The following IQSEC3 variants were observed in gnomAD, a reference collection of about 807,000 sequenced individuals.
IQSEC3 encodes IQ motif and Sec7 domain ArfGEF 3, also known as IQ motif and SEC7 domain-containing protein 3.
In IQSEC3, 50 loss-of-function variants were observed where a neutral mutation model predicts 105.4. The ratio of observed to expected loss-of-function variants is 0.47; its 90% confidence interval spans 0.38 to 0.60. The LOEUF is 0.60. IQSEC3 is among the 20% of genes least tolerant of loss of function. The probability of loss-of-function intolerance (pLI) is 0.00; values close to 1 mark genes in which losing one functional copy is unlikely to be tolerated. For missense variants in IQSEC3, 1,415 were observed against 1,630.0 expected (o/e 0.87, Z 2.27); for synonymous variants, 708 against 746.0 (o/e 0.95, Z 0.83).
intron 2 of IQSEC3, among the ~76,000 whole-genome samples, chr12:120,982 C>A (rs781819667): frequency 1.8e-4 from 27 of 152,208 alleles, no homozygotes; most frequent in Non-Finnish European, 3.4e-4. Context: ...CGTTTTCTCC[C>A]GGCTAGCGCA....
At chr12:146,005 C>T (rs1866251658) in intron 5 of IQSEC3, among the ~76,000 whole-genome samples, 1 of 152,182 alleles carries the variant, frequency 6.6e-6, no homozygotes, top group African/African-American at 2.4e-5. Flanking sequence ...TGCGTCTGCT[C>T]CATCCTTTGT....
At chr12:69,355 G>A (rs560028692) in intron 1 of IQSEC3, among the ~76,000 whole-genome samples, 2 of 152,388 alleles carry the variant, frequency 1.3e-5, no homozygotes, top group South Asian at 4.1e-4. Context: ...GGAATCCTGG[G>A]ATTTAGGAAT....
chr12:105,233 A>G (rs1445493049), intron 2 of IQSEC3, among the ~76,000 whole-genome samples: 1 of 152,196 alleles, frequency 6.6e-6, no homozygotes, highest in Non-Finnish European at 1.5e-5. Context: ...TTCATGGTTC[A>G]CTGGTTGGTT....
At chr12:115,584 G>A (rs558546906) in intron 2 of IQSEC3, among the ~76,000 whole-genome samples, 37 of 152,300 alleles carry the variant, frequency 2.4e-4, no homozygotes, top group African/African-American at 8.9e-4. Flanking sequence ...GGGGAGAATA[G>A]CCACAGTTAC....
chr12:161,620 A>G (rs1191318782), intron 7 of IQSEC3, among the ~76,000 whole-genome samples: 3 of 152,170 alleles, frequency 2.0e-5, no homozygotes, highest in African/African-American at 7.2e-5. Context: ...GGTTAGCAGG[A>G]ACATGGAGGC....
intron 3 of IQSEC3, among the ~76,000 whole-genome samples, chr12:133,268 C>A (rs1214701502): frequency 6.6e-6 from 1 of 152,228 alleles, no homozygotes; most frequent in African/African-American, 2.4e-5. Flanking sequence ...GGATGATGTC[C>A]AGAGTGTACG....
At chr12:165,704 T>C in intron 10 of IQSEC3, 25 bp from the exon 11 acceptor site, 1 of 1,611,440 alleles carries the variant, frequency 6.2e-7, no homozygotes, top group Non-Finnish European at 8.5e-7. Flanking sequence ...CACAGCCCAC[T>C]GGGGGCCTGG....
chr12:161,811 C>A, intron 7 of IQSEC3, 115 bp from the exon 8 acceptor site: 1 of 1,087,428 alleles, frequency 9.2e-7, no homozygotes, highest in Non-Finnish European at 1.3e-6. Context: ...TGGCAAGAAC[C>A]AAGGCCACCC....
chr12:137,152 A>G (rs1410846510), intron 3 of IQSEC3, among the ~76,000 whole-genome samples: 1 of 151,766 alleles, frequency 6.6e-6, no homozygotes, highest in Non-Finnish European at 1.5e-5. Flanking sequence ...TTCTTGAGAC[A>G]CCCACTCAAC....
intron 1 of IQSEC3, among the ~76,000 whole-genome samples, chr12:73,473 A>C (rs1555068103): frequency 6.6e-6 from 1 of 152,246 alleles, no homozygotes; most frequent in Non-Finnish European, 1.5e-5. Context: ...CAGGAGTTTG[A>C]GACCAGCCTG....
intron 1 of IQSEC3, among the ~76,000 whole-genome samples, chr12:72,092 G>C (rs1218609150): frequency 2.0e-5 from 3 of 152,252 alleles, no homozygotes; most frequent in Non-Finnish European, 4.4e-5. Flanking sequence ...CTCCTTACCA[G>C]CCTCCAGCTC....
At chr12:135,819 C>A (rs947746391) in intron 3 of IQSEC3, among the ~76,000 whole-genome samples, 1 of 152,156 alleles carries the variant, frequency 6.6e-6, no homozygotes, top group Non-Finnish European at 1.5e-5. Flanking sequence ...TGAATTGTGC[C>A]AACAAGAGCG....
chr12:69,780 A>C (rs1344427384), intron 1 of IQSEC3, among the ~76,000 whole-genome samples: 1 of 152,274 alleles, frequency 6.6e-6, no homozygotes, highest in Non-Finnish European at 1.5e-5. Context: ...CACAGAGCTC[A>C]GGACGGAATC....
In IQSEC3 at chr12:138,785, C is replaced by T; in HGVS notation, c.1422C>T (p.Pro474=). The T allele has an allele frequency of 1.2e-6, 2 of 1,601,932 alleles. No individual in the cohort carries two copies. The stretch of plus-strand genomic sequence containing the variant: ...ACGCCGCGGAGACCCCCGGCCTGCC[C>T]CCGGCCCACAGCGGGACCCTCATGA... ...GDDAAETPGL[P]PAHSGTLMMA... is the part of the protein sequence containing the mutation. The change falls in exon 4 of 14, where the codon CCC becomes CCT. Residue 474 remains proline (P), a synonymous_variant. Transcript: ENST00000538872. The surrounding 1 kb of genome is among the most constrained non-coding windows in gnomAD (Gnocchi z 7.1).
intron 1 of IQSEC3, among the ~76,000 whole-genome samples, chr12:97,266 T>C (rs1160166990): frequency 6.6e-6 from 1 of 152,244 alleles, no homozygotes; most frequent in Non-Finnish European, 1.5e-5. Context: ...CCTTCTGTCA[T>C]ACATTTTGCA....
At chr12:115,975 T>C (rs1555080536) in intron 2 of IQSEC3, among the ~76,000 whole-genome samples, 1 of 152,232 alleles carries the variant, frequency 6.6e-6, no homozygotes, top group Non-Finnish European at 1.5e-5. Context: ...TTGTCCTTTG[T>C]TCTGAAATTA....
At chr12:164,199 C>T (rs955256283) in intron 9 of IQSEC3, among the ~76,000 whole-genome samples, 6 of 152,300 alleles carry the variant, frequency 3.9e-5, no homozygotes, top group African/African-American at 4.8e-5. Context: ...GTGTCTCCCT[C>T]GCACCGGCCC....
rs61621930 is a variant in IQSEC3 at position 130,463 on chromosome 12, A to C, written c.903+4551A>C. ...ATGGACTCCGCAGCCCATGGTTTCG[A>C]CCCTGTACCTTCCACCATCTCTTGG... On this transcript the variant is annotated intron_variant, in intron 3 of 13. Transcript: ENST00000538872. 1.6e-4 allele frequency among the ~76,000 whole-genome samples: 24 copies of C among 152,228 alleles called. 1 individual carries two copies. In the East Asian group the frequency reaches 4.4e-3, roughly 28 times the overall value.
At chr12:96,128 A>G (rs1864236257) in intron 1 of IQSEC3, among the ~76,000 whole-genome samples, 1 of 152,218 alleles carries the variant, frequency 6.6e-6, no homozygotes. Context: ...TAAGTAAGAA[A>G]GTGAGACTGA....
Sources: gnomAD v4.1 joint callset for allele counts (sites outside exome capture counted in the v4.1 genomes callset) on GRCh38, gnomAD v4.1.1 for gene constraint, Gnocchi (gnomAD v3.1) non-coding constraint, MANE v1.5 for transcripts, NCBI Gene and HGNC (gene_info 2026-07-23, HGNC 2026-07-21) for gene names.